Variants in WDR62 observed in about 807,000 individuals in gnomAD.
The protein encoded by WDR62 is WD repeat domain 62.
In WDR62, 112 loss-of-function variants were observed where a neutral mutation model predicts 160.6. The ratio of observed to expected loss-of-function variants is 0.70; its 90% CI spans 0.60 to 0.82. WDR62 has a LOEUF of 0.82. Among genes scored for constraint, WDR62 ranks in the 40% least tolerant of loss-of-function variants. The pLI, the probability that WDR62 is intolerant of heterozygous loss-of-function variation, is 0.00. For missense variants in WDR62, 1,819 were observed against 1,983.8 expected, an observed-to-expected ratio of 0.92 and a Z score of 1.58; for synonymous variants, 792 against 815.1, an observed-to-expected ratio of 0.97 and a Z score of 0.48.
chr19:36,072,996 G>A (rs1358011429), intron 8 of WDR62, among the ~76,000 whole-genome samples: 4 of 152,184 alleles, frequency 2.6e-5, no homozygotes, highest in Admixed American at 2.6e-4. Context: ...ATGCGTTGGT[G>A]AGGCCAAGAA....
intron 12 of WDR62, among the ~76,000 whole-genome samples, chr19:36,085,565 G>T (rs567950348): frequency 6.6e-6 from 1 of 151,294 alleles, no homozygotes; most frequent in African/African-American, 2.4e-5. Flanking sequence ...TCAGCCTCTC[G>T]AGAGTAGCTG....
the WDR62 span, among the ~76,000 whole-genome samples, chr19:36,110,824 C>G: frequency 6.6e-6 from 1 of 152,152 alleles, no homozygotes; most frequent in Non-Finnish European, 1.5e-5. Context: ...CTGGATGTCC[C>G]CTGGTGACTG....
rs764835436 is a variant in WDR62 at position 36,094,163 on chromosome 19, A to G, written c.2466A>G (p.Pro822=). The G allele has an allele frequency of 1.2e-6, 2 of 1,613,916 alleles. No individual in the cohort carries two copies. The highest frequency in any genetic ancestry group is 1.7e-6 in the Non-Finnish European group (2 of 1,179,988). Residue 822 remains proline, a splice_region_variant and synonymous_variant, in exon 20 of 32, where the codon CCA becomes CCG. Coordinates refer to ENST00000401500, the MANE Select transcript of WDR62 (RefSeq NM_001083961.2). ...CACCATCCAAAGATAGCTTGGATCC[A>G]GGTTGGAAAAGGGGCCCTATTTTGA... The part of the protein sequence containing the change: ...LKTPSKDSLD[P]DPRCLLTNGK...
intron 13 of WDR62, 73 bp downstream of exon 13, chr19:36,086,885 T>C: frequency 6.5e-7 from 1 of 1,545,862 alleles, no homozygotes; most frequent in East Asian, 2.4e-5. Flanking sequence ...CTTTCAACTC[T>C]CCTGTAAAAT....
In WDR62 at chr19:36,100,741, C is replaced by T. The variant is rs1973276828; in HGVS notation, c.2740-7C>T. ...GCCTCAGAATGGCTGTGCTGTCTTC[C>T]CCATAGTCAGAGAGTCCCCAGGAAG... On this transcript the variant is annotated splice_region_variant and splice_polypyrimidine_tract_variant and intron_variant, in intron 22 of 31. Transcript: ENST00000401500. 6.2e-7 allele frequency: 1 copy of T among 1,613,928 alleles called. No homozygotes were observed. The highest frequency in any genetic ancestry group is 1.7e-5 in the Admixed American group (1 of 60,026).
At chr19:36,088,156 G>A (rs1437668073) in intron 13 of WDR62, among the ~76,000 whole-genome samples, 1 of 152,116 alleles carries the variant, frequency 6.6e-6, no homozygotes, top group African/African-American at 2.4e-5. Flanking sequence ...CTGTCATGAA[G>A]GAGCATGTGT....
chr19:36,059,885 G>A, intron 2 of WDR62, 83 bp from the exon 3 acceptor site: 2 of 1,459,942 alleles, frequency 1.4e-6, no homozygotes, highest in South Asian at 1.1e-5. Flanking sequence ...TTGTTTATTT[G>A]TGGGCTTTTC....
Position 36,103,461 on chromosome 19 carries a change from C to T in WDR62, c.3633C>T (p.Ala1211=), listed in dbSNP as rs368221106. ...CAGGCCTGGCTCAGGGTGTCCATGC[C>T]CCCTCCACCTGTTCCTACATGGAGG... ...PTPGLAQGVH[A]PSTCSYMEAT... is the part of the protein sequence containing the mutation. The change falls in exon 30 of 32, where the codon GCC becomes GCT. Residue 1211 remains alanine, a synonymous_variant. Coordinates refer to ENST00000401500, the MANE Select transcript of WDR62 (RefSeq NM_001083961.2). 1.8e-5 allele frequency: 29 copies of T among 1,614,058 alleles called. No individual in the cohort carries two copies. The highest frequency in any genetic ancestry group is 2.5e-5 in the Non-Finnish European group (29 of 1,180,034).
chr19:36,098,348 C>G lies in WDR62; in HGVS notation c.2521-1051C>G, dbSNP rs556768513. ...TTGGGAGGCCAAGGCGGGTGTAATC[C>G]AAGGTCAAGAGATCAAGATCATCCC... is the stretch of plus-strand genomic sequence containing the variant. On this transcript the variant is annotated intron_variant, in intron 21 of 31. Coordinates refer to ENST00000401500, the MANE Select transcript of WDR62 (RefSeq NM_001083961.2). Among the ~76,000 whole-genome samples, 6 of 151,566 alleles carry G rather than the reference C, an allele frequency of 4.0e-5. No homozygotes were observed. In the East Asian group the frequency reaches 7.8e-4, roughly 20 times the overall value.
At position 36,066,135 on chromosome 19, in the gene WDR62, T is replaced by C. The variant is rs1027133945; in HGVS notation, c.390+120T>C. The C allele has an allele frequency of 1.1e-5, 17 of 1,577,172 alleles. No homozygotes were observed. In the African/African-American group the frequency reaches 2.2e-4, roughly 20 times the overall value. Reference sequence around the variant, plus strand: ...GCTCCTTCCTGGGCCAGAACAGCCCTGTAGCAGATGGGGGAGGTGGCTTTT... The same window carrying C: ...GCTCCTTCCTGGGCCAGAACAGCCCCGTAGCAGATGGGGGAGGTGGCTTTT... On this transcript the variant is annotated intron_variant, in intron 4 of 31. Coordinates refer to ENST00000401500, the MANE Select transcript of WDR62 (RefSeq NM_001083961.2).
Position 36,081,950 on chromosome 19 carries a change from G to A in WDR62, c.1371+380G>A, listed in dbSNP as rs184422248. On this transcript the variant is annotated intron_variant, in intron 10 of 31. Transcript: ENST00000401500. ...GCTGCCACACAGTGAGGCCTCACGG[G>A]GGTATGGGCAGAATGCTGGCGAGAG... 2.7e-5 allele frequency: 12 copies of A among 439,630 alleles called. No individual in the cohort carries two copies. The East Asian group carries it at 8.0e-4, about 29-fold the overall frequency. 27.2% of individuals were successfully genotyped at this position (439,630 alleles called of 1,614,324 possible).
chr19:36,092,505 T>G (rs1972681474), intron 18 of WDR62, among the ~76,000 whole-genome samples, 184 bp from the exon 19 acceptor site: 1 of 148,380 alleles, frequency 6.7e-6, no homozygotes, highest in Admixed American at 6.7e-5. Context: ...GCCCCAGACC[T>G]GGGCCCAGGG....
At position 36,062,912 on chromosome 19, in the gene WDR62, C is replaced by T. The variant is rs533619525; in HGVS notation, c.332+2882C>T. On this transcript the variant is annotated intron_variant, in intron 3 of 31. Coordinates refer to ENST00000401500, the MANE Select transcript of WDR62 (RefSeq NM_001083961.2). Reference sequence around the variant, plus strand: ...GTCCCCTCAGTCTCTTTCAGGCTGACGTGGCTCCTCTGTCTTTTCTTGACT... The same window carrying T: ...GTCCCCTCAGTCTCTTTCAGGCTGATGTGGCTCCTCTGTCTTTTCTTGACT... Among the ~76,000 whole-genome samples the T allele has an allele frequency of 6.6e-5, 10 of 152,050 alleles. No individual in the cohort carries two copies. In the East Asian group the frequency reaches 1.4e-3, roughly 21 times the overall value.
chr19:36,087,440 G>C (rs1212167218), intron 13 of WDR62, among the ~76,000 whole-genome samples: 1 of 147,808 alleles, frequency 6.8e-6, no homozygotes, highest in East Asian at 2.0e-4. Flanking sequence ...CCGGGAGGCG[G>C]AGGTTGCAGT....
chr19:36,078,771 G>C (rs1399431666), intron 9 of WDR62, among the ~76,000 whole-genome samples: 1 of 150,174 alleles, frequency 6.7e-6, no homozygotes, highest in East Asian at 2.0e-4. Context: ...GGGAGGCAGA[G>C]GTTGCAGTGA....
rs968757440 is a variant in WDR62 at position 36,055,114 on chromosome 19, T to C, written c.143T>C (p.Leu48Pro). 1 of 1,607,182 alleles carries C rather than the reference T, an allele frequency of 6.2e-7. No individual in the cohort carries two copies. The highest frequency in any genetic ancestry group is 1.3e-5 in the African/African-American group (1 of 74,660). Residue 48 changes from leucine to proline, a missense_variant, in exon 1 of 32, where the codon CTC becomes CCC. Coordinates refer to ENST00000401500, the MANE Select transcript of WDR62 (RefSeq NM_001083961.2). ...PPICLRRRTR[L>P]STASEETVQN... The stretch of plus-strand genomic sequence containing the variant: ...ATCTGCCTACGGCGGCGGACGCGAC[T>C]CTCGACGGCCTCCGAGGAGACGGTG...
At chr19:36,056,757 G>A (rs181859158) in intron 1 of WDR62, among the ~76,000 whole-genome samples, 1 of 151,956 alleles carries the variant, frequency 6.6e-6, no homozygotes, top group Admixed American at 6.5e-5. Context: ...GGCAGCCTGA[G>A]CTTAAACTTT....
rs190056555 is a variant in WDR62, at chr19:36,088,157, G to T, written c.1769-881G>T. On this transcript the variant is annotated intron_variant, in intron 13 of 31. Transcript: ENST00000401500. Reference sequence around the variant, plus strand: ...CCCTCTCAAATGTCCTGTCATGAAGGAGCATGTGTGATGTGCCCAGACTCA... The same window carrying T: ...CCCTCTCAAATGTCCTGTCATGAAGTAGCATGTGTGATGTGCCCAGACTCA... Among the ~76,000 whole-genome samples the T allele has an allele frequency of 2.3e-4, 35 of 152,212 alleles. No individual in the cohort carries two copies. The East Asian group carries it at 6.8e-3, about 29-fold the overall frequency.
intron 2 of WDR62, among the ~76,000 whole-genome samples, chr19:36,059,358 T>C (rs1970528295): frequency 6.6e-6 from 1 of 152,194 alleles, no homozygotes; most frequent in African/African-American, 2.4e-5. Flanking sequence ...TTTCCTTATC[T>C]ATAAATGGGC....
Sources: gnomAD v4.1 joint callset for allele counts (sites outside exome capture counted in the v4.1 genomes callset) on GRCh38, gnomAD v4.1.1 for gene constraint, MANE v1.5 for transcripts, NCBI Gene and HGNC (gene_info 2026-07-23, HGNC 2026-07-21) for gene names.